Variants in GRK3 observed in about 807,000 individuals in gnomAD.
GRK3 encodes the protein G protein-coupled receptor kinase 3, also known as adrenergic, beta, receptor kinase 2.
Under a neutral mutation model 95.7 loss-of-function variants are expected in GRK3, and 54 were observed. The ratio of observed to expected loss-of-function variants is 0.56; its 90% CI spans 0.45 to 0.71. The LOEUF (loss-of-function observed/expected upper bound fraction) is 0.71, where lower values mean the gene tolerates loss of function less well. Among genes scored for constraint, GRK3 ranks in the 30% least tolerant of loss-of-function variants. The probability of loss-of-function intolerance (pLI) is 0.00; values close to 1 mark genes in which losing one functional copy is unlikely to be tolerated. For synonymous variants in GRK3, 281 were observed against 290.8 expected (o/e 0.97, Z 0.34); for missense variants, 649 against 851.2 (o/e 0.76, Z 2.96).
chr22:25,570,113 C>A (rs981009656), intron 1 of GRK3, among the ~76,000 whole-genome samples: 28 of 152,242 alleles, frequency 1.8e-4, no homozygotes, highest in Non-Finnish European at 8.8e-5. Context: ...CTTTTTCGTA[C>A]TCTCCCGATC....
intron 19 of GRK3, among the ~76,000 whole-genome samples, chr22:25,718,628 G>A (rs2085405853): frequency 6.6e-6 from 1 of 152,176 alleles, no homozygotes; most frequent in South Asian, 2.1e-4. Flanking sequence ...ATCATCAGAT[G>A]GATTTGAAGA....
chr22:25,622,488 A>G (rs2084594079), intron 2 of GRK3, among the ~76,000 whole-genome samples: 1 of 152,196 alleles, frequency 6.6e-6, no homozygotes, highest in Non-Finnish European at 1.5e-5. Flanking sequence ...GTCATCAGCC[A>G]GGGCAAGAGG....
chr22:25,658,716 A>G (rs1435166403), intron 3 of GRK3, among the ~76,000 whole-genome samples: 2 of 152,208 alleles, frequency 1.3e-5, no homozygotes, highest in East Asian at 1.9e-4. Flanking sequence ...TATTTTGAAT[A>G]TAAAGCAAAC....
At chr22:25,604,265 G>T in intron 1 of GRK3, 112 bp from the exon 2 acceptor site, 1 of 707,668 alleles carries the variant, frequency 1.4e-6, no homozygotes, top group Non-Finnish European at 2.3e-6. Context: ...TGGCAAGAAG[G>T]GTCTCTTGTA....
chr22:25,598,139 C>A (rs2084384829), intron 1 of GRK3, among the ~76,000 whole-genome samples: 2 of 152,156 alleles, frequency 1.3e-5, no homozygotes, highest in South Asian at 2.1e-4. Flanking sequence ...AGGAATAAAG[C>A]ATATGACAAT....
chr22:25,675,664 T>C (rs764721014), intron 8 of GRK3, among the ~76,000 whole-genome samples: 5 of 152,190 alleles, frequency 3.3e-5, no homozygotes, highest in Non-Finnish European at 2.9e-5. Context: ...GCCCCCTAAT[T>C]CAGTGCCTGC....
chr22:25,593,653 T>C (rs771660865), intron 1 of GRK3, among the ~76,000 whole-genome samples: 1 of 152,232 alleles, frequency 6.6e-6, no homozygotes. Flanking sequence ...GGTGTCTGTT[T>C]ACTCTGTTGA....
At chr22:25,671,427 G>A (rs2084982414) in intron 6 of GRK3, among the ~76,000 whole-genome samples, 1 of 152,210 alleles carries the variant, frequency 6.6e-6, no homozygotes, top group South Asian at 2.1e-4. Context: ...TTGTTAAATA[G>A]ATACAGGATA....
intron 1 of GRK3, among the ~76,000 whole-genome samples, chr22:25,588,968 G>C (rs1263787033): frequency 6.6e-6 from 1 of 151,806 alleles, no homozygotes; most frequent in Non-Finnish European, 1.5e-5. Flanking sequence ...AGGGGTTCTC[G>C]CTATGTTGCC....
chr22:25,660,300 T>C (rs2084901503), intron 3 of GRK3, among the ~76,000 whole-genome samples: 1 of 152,202 alleles, frequency 6.6e-6, no homozygotes, highest in African/African-American at 2.4e-5. Context: ...AGCCCTGGTC[T>C]TTTGGCTATG....
chr22:25,696,713 A>G (rs1301772865), intron 13 of GRK3, among the ~76,000 whole-genome samples: 1 of 152,204 alleles, frequency 6.6e-6, no homozygotes, highest in Non-Finnish European at 1.5e-5. Context: ...TGAATTCTAC[A>G]TTCCCCCAAA....
chr22:25,585,138 C>G (rs375354009), intron 1 of GRK3, among the ~76,000 whole-genome samples: 1 of 152,158 alleles, frequency 6.6e-6, no homozygotes, highest in Non-Finnish European at 1.5e-5. Flanking sequence ...CTGCCTGCCT[C>G]GCTATAGGGC....
chr22:25,694,754 C>T (rs1049984455), intron 12 of GRK3, among the ~76,000 whole-genome samples: 2 of 152,180 alleles, frequency 1.3e-5, no homozygotes, highest in Non-Finnish European at 2.9e-5. Context: ...GTTCACTCCT[C>T]CCTTTCCCTG....
chr22:25,629,709 A>G (rs1299773107), intron 2 of GRK3, among the ~76,000 whole-genome samples: 1 of 152,134 alleles, frequency 6.6e-6, no homozygotes, highest in African/African-American at 2.4e-5. Context: ...TGAATGTCTT[A>G]TCCAACATCC....
At chr22:25,621,710 A>G (rs2084587334) in intron 2 of GRK3, among the ~76,000 whole-genome samples, 1 of 152,246 alleles carries the variant, frequency 6.6e-6, no homozygotes, top group Non-Finnish European at 1.5e-5. Context: ...CTATTCCACA[A>G]GGAATCTTAG....
chr22:25,667,876 C>A, intron 6 of GRK3, 76 bp downstream of exon 6: 2 of 829,638 alleles, frequency 2.4e-6, no homozygotes, highest in Non-Finnish European at 2.0e-6. Context: ...TAAATGCTGA[C>A]CTTAAAATGT....
intron 2 of GRK3, among the ~76,000 whole-genome samples, chr22:25,626,837 G>C (rs528509446): frequency 6.6e-6 from 1 of 152,196 alleles, no homozygotes; most frequent in Non-Finnish European, 1.5e-5. Flanking sequence ...GTTGGCAGTG[G>C]CACCCATACC....
chr22:25,689,840 T>G (rs916396182), intron 11 of GRK3, among the ~76,000 whole-genome samples: 1 of 152,198 alleles, frequency 6.6e-6, no homozygotes, highest in Non-Finnish European at 1.5e-5. Flanking sequence ...CTCCTGCCCT[T>G]GAGAGGCATG....
At chr22:25,684,781 C>T (rs947958581) in intron 9 of GRK3, among the ~76,000 whole-genome samples, 9 of 152,164 alleles carry the variant, frequency 5.9e-5, no homozygotes, top group Admixed American at 1.3e-4. Context: ...TGTCTCTATG[C>T]ATTTTATTAT....
Sources: allele counts gnomAD v4.1 joint callset (sites outside exome capture counted in the v4.1 genomes callset), GRCh38; gene constraint gnomAD v4.1.1; transcripts MANE v1.5; gene names NCBI Gene and HGNC (gene_info 2026-07-23, HGNC 2026-07-21).